Variants in CCNC observed in about 807,000 individuals in gnomAD.
The protein encoded by CCNC is cyclin C, also known as cyclin-C.
In CCNC, 19 loss-of-function variants were observed where a neutral mutation model predicts 50.0. The observed-to-expected ratio is 0.38, with a 90% confidence interval of 0.27 to 0.56. The LOEUF (loss-of-function observed/expected upper bound fraction) is 0.56. Ranked by LOEUF, CCNC falls within the 20% of genes least tolerant of loss-of-function variation. The pLI, the probability that CCNC is intolerant of heterozygous loss-of-function variation, is 0.72. For synonymous variants in CCNC, 93 were observed against 103.7 expected (o/e 0.90, Z 0.63); for missense variants, 200 against 327.1 (o/e 0.61, Z 3.00).
chr6:99,543,588 A>C lies in CCNC; in HGVS notation c.819T>G (p.Asn273Lys), dbSNP rs1801955931. 1 of 1,613,234 alleles carries C rather than the reference A, an allele frequency of 6.2e-7. No individual in the cohort carries two copies. The highest frequency in any genetic ancestry group is 8.5e-7 in the Non-Finnish European group (1 of 1,179,554). The change falls in exon 12 of 12, where the codon AAT (asparagine) becomes AAG (lysine). Residue 273 changes from asparagine (N) to lysine (K), a missense_variant. Asn to Lys is a moderately conservative substitution (Grantham distance 94). Transcript: ENST00000520429. ...PPNSEGEQGP[N>K]GSQNSSYSQS Reference sequence around the variant, plus strand: ...GGCTGTAGCTAGAGTTCTGACTTCCATTTGGACCCTGCTCTCCTTCACTGT... The same window carrying C: ...GGCTGTAGCTAGAGTTCTGACTTCCCTTTGGACCCTGCTCTCCTTCACTGT...
At chr6:99,561,489 GA>G (rs1250579792) in intron 3 of CCNC, 53 bp from the exon 4 acceptor site, 4 of 1,411,300 alleles carry the variant, frequency 2.8e-6, no homozygotes, top group East Asian at 2.3e-5. Flanking sequence ...AACACACTGG[GA>G]AAAAAATCAA....
intron 5 of CCNC, among the ~76,000 whole-genome samples, chr6:99,556,024 A>G (rs1449261588): frequency 6.6e-6 from 1 of 151,994 alleles, no homozygotes; most frequent in African/African-American, 2.4e-5. Context: ...CTGGCTGCCA[A>G]TATTCGTTTA....
At position 99,558,144 on chromosome 6, in the gene CCNC, A is replaced by G. The variant is rs62432352; in HGVS notation, c.346+353T>C. On this transcript the variant is annotated intron_variant, in intron 5 of 11. Transcript: ENST00000520429. ...GGAACGGGTTTGCACATAGATATTA[A>G]TATCTACCCATAAGAATGACATAAT... The G allele has an allele frequency of 9.2e-3, 2,663 of 288,874 alleles. 14 individuals carry two copies. Among genetic ancestry groups the G allele is most frequent in the Non-Finnish European group, 0.013 (2,044 of 158,730 alleles). 17.9% of individuals were successfully genotyped at this position (288,874 alleles called of 1,614,324 possible).
chr6:99,554,156 T>C (rs955966220), intron 5 of CCNC, among the ~76,000 whole-genome samples: 7 of 151,992 alleles, frequency 4.6e-5, no homozygotes, highest in Non-Finnish European at 1.0e-4. Context: ...CTGGAATTTG[T>C]CTGATGTTTT....
rs1222721412 is a variant in CCNC at position 99,542,990 on chromosome 6, C to T, written c.*565G>A. Reference sequence around the variant, plus strand: ...GGCTAGTATCTTCCATGGCAAGATCCTCAAACTACTGAATAAAATACACTT... The same window carrying T: ...GGCTAGTATCTTCCATGGCAAGATCTTCAAACTACTGAATAAAATACACTT... On this transcript the variant is annotated 3_prime_UTR_variant, in exon 12 of 12. Transcript: ENST00000520429. 1.3e-5 allele frequency: 2 copies of T among 152,478 alleles called. No homozygotes were observed. Among genetic ancestry groups the T allele is most frequent in the Non-Finnish European group, 2.9e-5 (2 of 68,004 alleles). 9.4% of individuals were successfully genotyped at this position (152,478 alleles called of 1,614,324 possible). A position where few individuals can be genotyped will look rare whatever the true frequency, so the allele number is the denominator to read the frequency against.
intron 5 of CCNC, among the ~76,000 whole-genome samples, chr6:99,555,788 C>A (rs1802487994): frequency 6.6e-6 from 1 of 152,112 alleles, no homozygotes; most frequent in Admixed American, 6.6e-5. Flanking sequence ...TACTGCTGGC[C>A]TCACATTTTT....
At position 99,545,150 on chromosome 6, in the gene CCNC, A is replaced by C. The variant is rs781010184; in HGVS notation, c.759T>G (p.Ile253Met). 3 of 1,610,716 alleles carry C rather than the reference A, an allele frequency of 1.9e-6. No homozygotes were observed. The highest frequency in any genetic ancestry group is 2.5e-6 in the Non-Finnish European group (3 of 1,177,048). The stretch of plus-strand genomic sequence containing the variant: ...GTTTTGGTTTTGGCATCTTACTAAG[A>C]ATGGTTGCCATCTCTTTTCTCTCAT... The part of the protein sequence containing the change: ...NFDERKEMAT[I>M]LSKMPKPKPP... The change falls in exon 11 of 12, where the codon ATT becomes ATG. Residue 253 changes from isoleucine (I) to methionine (M), a missense_variant. Coordinates refer to ENST00000520429, the MANE Select transcript of CCNC (RefSeq NM_005190.4).
At chr6:99,544,067 T>C (rs1801978280) in intron 11 of CCNC, 4 of 1,291,420 alleles carry the variant, frequency 3.1e-6, no homozygotes, top group African/African-American at 1.5e-5. Flanking sequence ...AAATCATATA[T>C]AAATACAGCA....
intron 5 of CCNC, among the ~76,000 whole-genome samples, chr6:99,557,040 A>G (rs1180298029): frequency 1.4e-5 from 2 of 147,966 alleles, no homozygotes; most frequent in East Asian, 2.0e-4. Flanking sequence ...CTTACTCACC[A>G]TTCAGTTAAT....
intron 9 of CCNC, 118 bp downstream of exon 9, chr6:99,549,390 T>C (rs1263248922): frequency 5.5e-6 from 4 of 727,028 alleles, no homozygotes; most frequent in African/African-American, 1.7e-5. Context: ...ATGCAAGGAT[T>C]AGTCTATTAC....
intron 7 of CCNC, chr6:99,550,533 G>A: frequency 2.3e-6 from 1 of 437,090 alleles, no homozygotes. Context: ...TAAATCGGTT[G>A]GCAGTCAGTC....
intron 4 of CCNC, among the ~76,000 whole-genome samples, chr6:99,558,811 C>T (rs1802653929): frequency 6.6e-6 from 1 of 152,112 alleles, no homozygotes; most frequent in Non-Finnish European, 1.5e-5. Flanking sequence ...CAAAATGTTC[C>T]AATGAGCATT....
chr6:99,568,650 G>A lies in CCNC; in HGVS notation c.-123C>T. On this transcript the variant is annotated 5_prime_UTR_variant, in exon 1 of 12. Coordinates refer to ENST00000520429, the MANE Select transcript of CCNC (RefSeq NM_005190.4). ...AATCAGCTCGGCTCGACTCCGCTCC[G>A]CGGCGGCGACGGCGAAAGGAAGAGG... The A allele has an allele frequency of 6.5e-7, 1 of 1,530,852 alleles. No individual in the cohort carries two copies. Among genetic ancestry groups the A allele is most frequent in the Non-Finnish European group, 8.8e-7 (1 of 1,140,554 alleles). The allele number at this position is 1,530,852 out of a possible 1,614,324, so 94.8% of individuals were successfully genotyped here.
intron 7 of CCNC, chr6:99,550,518 CT>C (rs1191886173): frequency 6.6e-6 from 3 of 453,868 alleles, no homozygotes; most frequent in African/African-American, 2.0e-5. Context: ...TGGAATATAC[CT>C]TGATAAATCG....
chr6:99,562,318 CTTAGCT>C (rs1235023734), intron 2 of CCNC: 1 of 152,436 alleles, frequency 6.6e-6, no homozygotes, highest in Admixed American at 6.5e-5. Flanking sequence ...AGCCACCACA[CTTAGCT>C]TTATACAGCT....
chr6:99,546,966 T>C (rs1192719304), intron 9 of CCNC, among the ~76,000 whole-genome samples: 1 of 152,214 alleles, frequency 6.6e-6, no homozygotes, highest in Admixed American at 6.5e-5. Context: ...GATCAAGTTA[T>C]GTGAAAGCTG....
Position 99,543,419 on chromosome 6 carries a change from C to T in CCNC, c.*136G>A. The T allele has an allele frequency of 2.2e-6, 2 of 898,946 alleles. No homozygotes were observed. The highest frequency in any genetic ancestry group is 1.7e-6 in the Non-Finnish European group (1 of 594,576). The allele number at this position is 898,946 out of a possible 1,614,324, so 55.7% of individuals were successfully genotyped here. On this transcript the variant is annotated 3_prime_UTR_variant, in exon 12 of 12. Transcript: ENST00000520429. The stretch of plus-strand genomic sequence containing the variant: ...TCATATTAAAGAAAAACTTATTTTG[C>T]AAAAATAAAATCACTTTCCAATATG...
intron 4 of CCNC, among the ~76,000 whole-genome samples, chr6:99,559,147 T>C (rs515259): frequency 0.86 from 129,180 of 151,066 alleles, 55,938 homozygotes; most frequent in East Asian, 0.99. Flanking sequence ...GTAAAACAGT[T>C]GAATTTGTGA....
intron 4 of CCNC, among the ~76,000 whole-genome samples, chr6:99,561,138 T>G (rs926856374): frequency 1.3e-5 from 2 of 152,232 alleles, no homozygotes; most frequent in African/African-American, 4.8e-5. Context: ...ACTACTACTA[T>G]GTATTCCAGT....
Sources: allele counts gnomAD v4.1 joint callset (sites outside exome capture counted in the v4.1 genomes callset), GRCh38; gene constraint gnomAD v4.1.1; transcripts MANE v1.5; gene names NCBI Gene and HGNC (gene_info 2026-07-23, HGNC 2026-07-21).